Variants in VSTM5 observed in about 807,000 individuals in gnomAD.
VSTM5 encodes the protein V-set and transmembrane domain-containing protein 5.
A neutral mutation model predicts 20.3 loss-of-function variants in VSTM5; 21 were observed. The ratio of observed to expected loss-of-function variants is 1.03; its 90% CI spans 0.73 to 1.49. The LOEUF is 1.49. Among genes scored for constraint, VSTM5 ranks in the 40% most tolerant of loss-of-function variants. The pLI, the probability that VSTM5 is intolerant of heterozygous loss-of-function variation, is 0.00. For missense variants in VSTM5, 219 were observed against 250.0 expected (o/e 0.88, Z 0.84); for synonymous variants, 100 against 102.5 (o/e 0.98, Z 0.14).
chr11:93,830,591 C>G (rs139692665), intron 1 of VSTM5, among the ~76,000 whole-genome samples: 295 of 152,328 alleles, frequency 1.9e-3, no homozygotes, highest in Non-Finnish European at 3.5e-3. Flanking sequence ...CCCTGCCTGT[C>G]AAACTGTTGC....
At chr11:93,830,459 G>A (rs75238075) in intron 1 of VSTM5, among the ~76,000 whole-genome samples, 7,327 of 141,542 alleles carry the variant, frequency 0.052, 609 homozygotes, top group African/African-American at 0.22. Flanking sequence ...CCGCAAGATC[G>A]TTCGTTATAG....
chr11:93,831,304 C>G (rs1323231678), intron 1 of VSTM5, among the ~76,000 whole-genome samples: 3 of 152,176 alleles, frequency 2.0e-5, no homozygotes, highest in African/African-American at 7.2e-5. Context: ...GCTAGGATTA[C>G]AGGCGGCACA....
chr11:93,830,805 T>G (rs1471521293), intron 1 of VSTM5, among the ~76,000 whole-genome samples: 4 of 150,852 alleles, frequency 2.7e-5, no homozygotes, highest in Non-Finnish European at 5.9e-5. Flanking sequence ...GAGGCTGGAG[T>G]GCAGTGGGTG....
intron 1 of VSTM5, among the ~76,000 whole-genome samples, chr11:93,827,097 T>C (rs149650981): frequency 5.9e-5 from 9 of 152,276 alleles, no homozygotes; most frequent in Admixed American, 5.9e-4. Flanking sequence ...AAATAATCTA[T>C]AACAGGCCGG....
rs971807256 is a variant in VSTM5, at chr11:93,819,219, C to T, written c.*1350G>A. On this transcript the variant is annotated 3_prime_UTR_variant, in exon 4 of 4. Transcript: ENST00000409977. The stretch of plus-strand genomic sequence containing the variant: ...AACCTTTGCATGGGTGAATTTGCAA[C>T]TGAGGACTAGGAACACATCATCATC... 2 of 152,242 alleles carry T rather than the reference C, an allele frequency of 1.3e-5. No individual in the cohort carries two copies. Among genetic ancestry groups the T allele is most frequent in the Non-Finnish European group, 2.9e-5 (2 of 68,070 alleles). The allele number at this position is 152,242 out of a possible 1,614,324, so 9.4% of individuals were successfully genotyped here.
intron 1 of VSTM5, among the ~76,000 whole-genome samples, chr11:93,846,782 T>TTTG (rs1555039420): frequency 0.12 from 18,111 of 146,830 alleles, 1,145 homozygotes; most frequent in African/African-American, 0.16. Context: ...TTTTTTTTTT[T>TTTG]TTTGAGATGG....
intron 3 of VSTM5, 51 bp from the exon 4 acceptor site, chr11:93,820,663 TTCTTCG>T: frequency 6.4e-7 from 1 of 1,551,650 alleles, no homozygotes; most frequent in Non-Finnish European, 8.7e-7. Flanking sequence ...ACATAGTGCT[TTCTTCG>T]TGAGAACAAG....
chr11:93,848,246 T>C (rs558412480), intron 1 of VSTM5, among the ~76,000 whole-genome samples: 1 of 152,314 alleles, frequency 6.6e-6, no homozygotes, highest in Admixed American at 6.5e-5. Flanking sequence ...TGCAGGGAAC[T>C]GGTAGGAAGG....
At chr11:93,839,158 G>C (rs894067473) in intron 1 of VSTM5, among the ~76,000 whole-genome samples, 1 of 152,246 alleles carries the variant, frequency 6.6e-6, no homozygotes, top group Non-Finnish European at 1.5e-5. Flanking sequence ...TGTCCCGAGA[G>C]TGTGAACTTA....
intron 1 of VSTM5, among the ~76,000 whole-genome samples, 186 bp downstream of exon 1, chr11:93,850,226 G>T (rs2135742917): frequency 6.6e-6 from 1 of 152,110 alleles, no homozygotes; most frequent in Non-Finnish European, 1.5e-5. Flanking sequence ...GTCGGCGCCG[G>T]GTCTCCAGGC....
Position 93,849,671 on chromosome 11 carries a change from GAT to G in VSTM5, c.91+739_91+740del, listed in dbSNP as rs761654025. ...TAAACCTCAGTTGGCCCATGTGTAA[GAT>G]GGGAGTGCGAATGGTAATGATTAAA... On this transcript the variant is annotated intron_variant, in intron 1 of 3. Coordinates refer to ENST00000409977, the MANE Select transcript of VSTM5 (RefSeq NM_001144871.2). Among the ~76,000 whole-genome samples the G allele has an allele frequency of 6.6e-5, 10 of 152,356 alleles. 1 individual carries two copies. The highest frequency in any genetic ancestry group is 6.8e-3 in the Middle Eastern group (2 of 294).
intron 1 of VSTM5, among the ~76,000 whole-genome samples, chr11:93,834,236 C>A (rs1944304748): frequency 6.6e-6 from 1 of 152,174 alleles, no homozygotes; most frequent in Non-Finnish European, 1.5e-5. Context: ...CCAAACTCAA[C>A]AGGGCCCCAT....
chr11:93,820,456 T>C lies in VSTM5; in HGVS notation c.*113A>G. 1.8e-6 allele frequency: 2 copies of C among 1,142,316 alleles called. No homozygotes were observed. Among genetic ancestry groups the C allele is most frequent in the Non-Finnish European group, 2.5e-6 (2 of 789,784 alleles). 70.8% of individuals were successfully genotyped at this position (1,142,316 alleles called of 1,614,324 possible). A position where few individuals can be genotyped will look rare whatever the true frequency, so the allele number is the denominator to read the frequency against. ...ATGTTGTTAATCTCCCACTGTCCTG[T>C]TAGGAGCGGGCTGCAACAGGACCAC... On this transcript the variant is annotated 3_prime_UTR_variant, in exon 4 of 4. Transcript: ENST00000409977.
At chr11:93,836,202 A>G (rs1944321161) in intron 1 of VSTM5, among the ~76,000 whole-genome samples, 2 of 152,196 alleles carry the variant, frequency 1.3e-5, no homozygotes, top group African/African-American at 4.8e-5. Context: ...CCAAGCCACC[A>G]ATTCATGAAT....
Position 93,820,485 on chromosome 11 carries a change from C to T in VSTM5, c.*84G>A. ...GAGCGGGCTGCAACAGGACCACACA[C>T]AATGGGTATAATAGCTGTGCTTGCT... On this transcript the variant is annotated 3_prime_UTR_variant, in exon 4 of 4. Transcript: ENST00000409977. The T allele has an allele frequency of 6.8e-7, 1 of 1,462,240 alleles. No individual in the cohort carries two copies. Among genetic ancestry groups the T allele is most frequent in the Non-Finnish European group, 9.3e-7 (1 of 1,070,602 alleles). The allele number at this position is 1,462,240 out of a possible 1,614,324, so 90.6% of individuals were successfully genotyped here.
intron 1 of VSTM5, 45 bp downstream of exon 1, chr11:93,850,367 C>T: frequency 1.3e-6 from 2 of 1,499,636 alleles, no homozygotes; most frequent in Non-Finnish European, 1.8e-6. Flanking sequence ...TGCCCCCCTA[C>T]CCATTCCCGC....
chr11:93,850,242 C>T (rs1220746756), intron 1 of VSTM5, among the ~76,000 whole-genome samples, 170 bp downstream of exon 1: 1 of 152,106 alleles, frequency 6.6e-6, no homozygotes, highest in Non-Finnish European at 1.5e-5. Flanking sequence ...CAGGCCTCGC[C>T]CAGCCCCACG....
chr11:93,839,744 G>A (rs7103466), intron 1 of VSTM5, among the ~76,000 whole-genome samples: 34,023 of 151,962 alleles, frequency 0.22, 5,024 homozygotes, highest in African/African-American at 0.42. Flanking sequence ...CAAAGCTCCC[G>A]CCCTTTTTGC....
At chr11:93,832,081 G>T (rs1453531903) in intron 1 of VSTM5, among the ~76,000 whole-genome samples, 1 of 152,190 alleles carries the variant, frequency 6.6e-6, no homozygotes, top group Non-Finnish European at 1.5e-5. Flanking sequence ...GCACATAGAT[G>T]CAGAGATATA....
Sources: gnomAD v4.1 joint callset for allele counts (sites outside exome capture counted in the v4.1 genomes callset) on GRCh38, gnomAD v4.1.1 for gene constraint, MANE v1.5 for transcripts, NCBI Gene and HGNC (gene_info 2026-07-23, HGNC 2026-07-21) for gene names.